ARHGAP33: variants seen among roughly 807,000 people sequenced by gnomAD.
ARHGAP33 encodes the protein Rho GTPase activating protein 33.
Under a neutral mutation model 126.2 loss-of-function variants are expected in ARHGAP33, and 57 were observed. The observed-to-expected ratio is 0.45, with a 90% CI of 0.36 to 0.56. The LOEUF is 0.56. Among genes scored for constraint, ARHGAP33 ranks in the 20% least tolerant of loss-of-function variants. ARHGAP33 has a pLI of 0.00. For synonymous variants in ARHGAP33, 711 were observed against 755.0 expected (o/e 0.94, Z 0.95); for missense variants, 1,500 against 1,748.3 (o/e 0.86, Z 2.53).
intron 15 of ARHGAP33, 63 bp from the exon 16 acceptor site, chr19:35,784,109 C>A: frequency 6.8e-7 from 1 of 1,465,650 alleles, no homozygotes; most frequent in Non-Finnish European, 9.4e-7. Context: ...CCCCTCATTG[C>A]CCTGCCAGAA....
At position 35,786,747 on chromosome 19, in the gene ARHGAP33, C is replaced by T; in HGVS notation, c.2277C>T (p.Ala759=). Residue 759 remains alanine (A), a synonymous_variant, in exon 20 of 21, where the codon GCC becomes GCT. Coordinates refer to ENST00000007510, the MANE Select transcript of ARHGAP33 (RefSeq NM_001366178.1). The surrounding 1 kb of genome is among the most constrained non-coding windows in gnomAD (Gnocchi z 7.0). ...SPTPGDPAPP[A]SPAPPAPASA... ...CCCCAGGGGATCCCGCACCTCCCGC[C>T]AGCCCAGCACCCCCCGCCCCTGCCT... 2 of 1,522,272 alleles carry T rather than the reference C, an allele frequency of 1.3e-6. No homozygotes were observed. The highest frequency in any genetic ancestry group is 1.8e-6 in the Non-Finnish European group (2 of 1,139,202). 94.3% of individuals were successfully genotyped at this position (1,522,272 alleles called of 1,614,324 possible).
In ARHGAP33 at chr19:35,788,721, C is replaced by T. The variant is rs1972253698; in HGVS notation, c.*292C>T. ...TCCCTCCAGGAGCCCCCAGCATGTC[C>T]TGACCTGTGCACGGGGATGGGGGGA... On this transcript the variant is annotated 3_prime_UTR_variant, in exon 21 of 21. Coordinates refer to ENST00000007510, the MANE Select transcript of ARHGAP33 (RefSeq NM_001366178.1). 1 of 379,856 alleles carries T rather than the reference C, an allele frequency of 2.6e-6. No homozygotes were observed. The highest frequency in any genetic ancestry group is 4.5e-5 in the Admixed American group (1 of 22,084). The allele number at this position is 379,856 out of a possible 1,614,324, so 23.5% of individuals were successfully genotyped here.
chr19:35,775,722 A>G, intron 1 of ARHGAP33, 58 bp downstream of exon 1: 1 of 1,461,206 alleles, frequency 6.8e-7, no homozygotes, highest in East Asian at 2.9e-5. Context: ...GTCCGTGCGC[A>G]GCCCCGCCCC....
At chr19:35,778,019 C>T (rs575491532) in intron 3 of ARHGAP33, 111 bp downstream of exon 3, 170 of 1,299,518 alleles carry the variant, frequency 1.3e-4, no homozygotes, top group Middle Eastern at 1.9e-4. Context: ...GGCTGCTGCA[C>T]GCGTCTGAGC....
intron 7 of ARHGAP33, 44 bp downstream of exon 7, chr19:35,780,377 C>T (rs1297517551): frequency 6.2e-7 from 1 of 1,610,786 alleles, no homozygotes; most frequent in Admixed American, 1.7e-5. Context: ...TCCCCACACC[C>T]CCTGCTCCTT....
At chr19:35,783,888 G>A (rs1300749576) in intron 15 of ARHGAP33, among the ~76,000 whole-genome samples, 1 of 150,656 alleles carries the variant, frequency 6.6e-6, no homozygotes, top group African/African-American at 2.4e-5. Context: ...TGGGCCAGAT[G>A]GGGGGCAGTG....
At position 35,788,063 on chromosome 19, in the gene ARHGAP33, G is replaced by A; in HGVS notation, c.3498G>A (p.Glu1166=). The A allele has an allele frequency of 6.2e-7, 1 of 1,609,506 alleles. No individual in the cohort carries two copies. The highest frequency in any genetic ancestry group is 8.5e-7 in the Non-Finnish European group (1 of 1,178,814). ...CTGCTCGGCGCCCTACACCGCCTGAGCCCCTCTACGTCAACCTAGCTCTAG... is the reference window on the plus strand; with the variant it reads ...CTGCTCGGCGCCCTACACCGCCTGAACCCCTCTACGTCAACCTAGCTCTAG... ...QHPARRPTPP[E]PLYVNLALGP... Residue 1166 remains glutamate (E), a synonymous_variant, in exon 21 of 21, where the codon GAG becomes GAA. Transcript: ENST00000007510.
Position 35,783,223 on chromosome 19 carries a change from G to T in ARHGAP33, c.1421+354G>T, listed in dbSNP as rs1645433611. ...AGGGAGGCTTTGGCAGGTCTTCTGTGGCCAGCAGCAGAATAAGCCTGGAGG... is the reference window on the plus strand; with the variant it reads ...AGGGAGGCTTTGGCAGGTCTTCTGTTGCCAGCAGCAGAATAAGCCTGGAGG... On this transcript the variant is annotated intron_variant, in intron 15 of 20. Transcript: ENST00000007510. 2.0e-5 allele frequency among the ~76,000 whole-genome samples: 3 copies of T among 152,178 alleles called. No homozygotes were observed. In the South Asian group the frequency reaches 6.2e-4, roughly 31 times the overall value.
chr19:35,775,801 G>C lies in ARHGAP33; in HGVS notation c.6+137G>C, dbSNP rs1309095191. ...TCAGCCGTGGTCCCTCCCGTCCTGC[G>C]GCCCCATCCCGGGTCCCAGCCCGTA... On this transcript the variant is annotated intron_variant, in intron 1 of 20. Coordinates refer to ENST00000007510, the MANE Select transcript of ARHGAP33 (RefSeq NM_001366178.1). The C allele has an allele frequency of 1.0e-5, 9 of 864,746 alleles. No homozygotes were observed. In the African/African-American group the frequency reaches 1.6e-4, roughly 16 times the overall value. The allele number at this position is 864,746 out of a possible 1,614,324, so 53.6% of individuals were successfully genotyped here. A position where few individuals can be genotyped will look rare whatever the true frequency, so the allele number is the denominator to read the frequency against.
rs1971818319 is a variant in ARHGAP33 at position 35,782,019 on chromosome 19, AG to A, written c.1086-351del. Reference sequence around the variant, plus strand: ...GCCCCACCAGAGAATTGGGAGTAGCAGGGTGCTGGGATTTTGTCCACATTTT... The same window carrying A: ...GCCCCACCAGAGAATTGGGAGTAGCAGGTGCTGGGATTTTGTCCACATTTT... On this transcript the variant is annotated intron_variant, in intron 12 of 20. Transcript: ENST00000007510. This position sits in a 1 kb window ranked among gnomAD's most constrained non-coding sequence, Gnocchi z 4.1. Among the ~76,000 whole-genome samples, 1 of 152,142 alleles carries A rather than the reference AG, an allele frequency of 6.6e-6. No homozygotes were observed. Among genetic ancestry groups the A allele is most frequent in the Non-Finnish European group, 1.5e-5 (1 of 68,006 alleles).
chr19:35,785,594 G>A, intron 19 of ARHGAP33, 111 bp downstream of exon 19: 1 of 1,530,432 alleles, frequency 6.5e-7, no homozygotes, highest in African/African-American at 1.4e-5. Flanking sequence ...GGGGCCCTGG[G>A]GCTTTTGAAA....
In ARHGAP33 at chr19:35,787,038, G is replaced by A; in HGVS notation, c.2568G>A (p.Met856Ile). ...TGACTGACGCCTGCCAGCAGGAGAT[G>A]TGCAGCAAGCTCCGGGGAGCCCAGG... The part of the protein sequence containing the change: ...APLTDACQQE[M>I]CSKLRGAQGP... The change falls in exon 20 of 21, where the codon ATG becomes ATA. Residue 856 changes from methionine (M) to isoleucine (I), a missense_variant. Transcript: ENST00000007510. The A allele has an allele frequency of 6.2e-7, 1 of 1,608,542 alleles. No homozygotes were observed. Among genetic ancestry groups the A allele is most frequent in the Non-Finnish European group, 8.5e-7 (1 of 1,177,232 alleles).
chr19:35,778,940 C>A, intron 5 of ARHGAP33, 92 bp from the exon 6 acceptor site: 2 of 1,098,534 alleles, frequency 1.8e-6, no homozygotes, highest in Non-Finnish European at 2.7e-6. Context: ...TCAGGATGAA[C>A]TTCAGCCCAG....
rs1972047309 is a variant in ARHGAP33, at chr19:35,785,237, C to T, written c.1770C>T (p.Ser590=). The change falls in exon 18 of 21, where the codon AGC becomes AGT. Residue 590 remains serine, a synonymous_variant. Transcript: ENST00000007510. The part of the protein sequence containing the change: ...GEKQRKPGGS[S]WKTFFALGRG... Reference sequence around the variant, plus strand: ...AGCAGCGGAAGCCAGGGGGCAGCAGCTGGAAGACGTTCTTTGCACTGGGCC... The same window carrying T: ...AGCAGCGGAAGCCAGGGGGCAGCAGTTGGAAGACGTTCTTTGCACTGGGCC... 6.3e-7 allele frequency: 1 copy of T among 1,586,422 alleles called. No individual in the cohort carries two copies. Among genetic ancestry groups the T allele is most frequent in the Admixed American group, 1.8e-5 (1 of 54,802 alleles).
chr19:35,786,927 A>T lies in ARHGAP33; in HGVS notation c.2457A>T (p.Ser819=), dbSNP rs760837501. The change falls in exon 20 of 21, where the codon TCA becomes TCT. Residue 819 remains serine, a synonymous_variant. Coordinates refer to ENST00000007510, the MANE Select transcript of ARHGAP33 (RefSeq NM_001366178.1). This position sits in a 1 kb window ranked among gnomAD's most constrained non-coding sequence, Gnocchi z 7.0. ...TGGGGGCTGGGGGAGCACCTGCCTC[A>T]GCCACCCCAACACCAGCTCTCAGCC... ...ELLGAGGAPA[S]ATPTPALSPG... 1 of 1,610,658 alleles carries T rather than the reference A, an allele frequency of 6.2e-7. No individual in the cohort carries two copies. The highest frequency in any genetic ancestry group is 8.5e-7 in the Non-Finnish European group (1 of 1,179,554).
rs1599787901 is a variant in ARHGAP33 at position 35,782,773 on chromosome 19, A to T, written c.1325A>T (p.Tyr442Phe). ...LPPPHYRTLE[Y>F]LLRHLARMAR... ...GCTCCCACCCCCAGGACCCTGGAGT[A>T]CCTGCTGAGGCACCTGGCCCGCATG... The change falls in exon 15 of 21, where the codon TAC (tyrosine) becomes TTC (phenylalanine). Residue 442 changes from tyrosine (Y) to phenylalanine (F), a missense_variant. By Grantham distance (22) the Tyr-to-Phe change is conservative. Around this residue, in one of 6 missense-constraint regions of ARHGAP33, gnomAD observed 281 missense variants for 413.7 expected, o/e 0.68. Transcript: ENST00000007510. The surrounding 1 kb of genome is among the most constrained non-coding windows in gnomAD (Gnocchi z 4.1). 6.2e-7 allele frequency: 1 copy of T among 1,613,434 alleles called. No homozygotes were observed. The highest frequency in any genetic ancestry group is 8.5e-7 in the Non-Finnish European group (1 of 1,179,574).
chr19:35,787,216 G>C lies in ARHGAP33; in HGVS notation c.2651G>C (p.Arg884Pro). The C allele has an allele frequency of 6.2e-7, 1 of 1,610,250 alleles. No homozygotes were observed. The highest frequency in any genetic ancestry group is 1.3e-5 in the African/African-American group (1 of 74,810). Reference protein sequence around the residue: ...PLPPPPLSLLRPGGAPPPPPK... With the variant: ...PLPPPPLSLLPPGGAPPPPPK... ...CCACCCCCTCCCCTGTCTCTCCTGC[G>C]CCCTGGGGGTGCCCCACCCCCGCCC... Residue 884 changes from arginine to proline, a missense_variant, in exon 21 of 21, where the codon CGC becomes CCC. By Grantham distance (103) the Arg-to-Pro change is moderately radical (BLOSUM62 -2). This residue lies in a region of ARHGAP33 where 642 missense variants were observed against 634.0 expected (regional missense o/e 1.01). Transcript: ENST00000007510.
Position 35,786,423 on chromosome 19 carries a change from G to A in ARHGAP33, c.1953G>A (p.Arg651=). 1 of 1,533,046 alleles carries A rather than the reference G, an allele frequency of 6.5e-7. No homozygotes were observed. Among genetic ancestry groups the A allele is most frequent in the Non-Finnish European group, 8.7e-7 (1 of 1,144,992 alleles). The allele number at this position is 1,533,046 out of a possible 1,614,324, so 95.0% of individuals were successfully genotyped here. A position where few individuals can be genotyped will look rare whatever the true frequency, so the allele number is the denominator to read the frequency against. Residue 651 remains arginine (R), a synonymous_variant, in exon 20 of 21, where the codon AGG becomes AGA. Coordinates refer to ENST00000007510, the MANE Select transcript of ARHGAP33 (RefSeq NM_001366178.1). This position sits in a 1 kb window ranked among gnomAD's most constrained non-coding sequence, Gnocchi z 7.0. Reference sequence around the variant, plus strand: ...ACCCCACCCCTCCAGGCCTCCAGAGGCTGCACAGGCTGCGGCGACCCCACT... The same window carrying A: ...ACCCCACCCCTCCAGGCCTCCAGAGACTGCACAGGCTGCGGCGACCCCACT... ...SSQASGAGLQ[R]LHRLRRPHSS...
At chr19:35,784,473 G>GC in intron 16 of ARHGAP33, 156 bp downstream of exon 16, 1 of 1,250,338 alleles carries the variant, frequency 8.0e-7, no homozygotes. Context: ...CCCTCCCCGC[G>GC]CCCCCCTCCT....
Sources: allele counts gnomAD v4.1 joint callset (sites outside exome capture counted in the v4.1 genomes callset), GRCh38; gene constraint gnomAD v4.1.1; regional missense constraint gnomAD v4.1.1; non-coding constraint Gnocchi (gnomAD v3.1); transcripts MANE v1.5; gene names NCBI Gene and HGNC (gene_info 2026-07-23, HGNC 2026-07-21).